Variants in CHST9 observed in about 807,000 individuals in gnomAD.
CHST9 encodes carbohydrate sulfotransferase 9.
CHST9 carries 41 observed loss-of-function variants against 44.4 expected under a neutral mutation model. The observed-to-expected ratio is 0.92, with a 90% CI of 0.72 to 1.20. The LOEUF (loss-of-function observed/expected upper bound fraction) is 1.20. Among genes scored for constraint, CHST9 ranks in the 50% most tolerant of loss-of-function variants. The pLI, the probability that CHST9 is intolerant of heterozygous loss-of-function variation, is 0.00. For synonymous variants in CHST9, 171 were observed against 178.4 expected (o/e 0.96, Z 0.33); for missense variants, 504 against 516.5 (o/e 0.98, Z 0.23).
chr18:27,182,962 G>A lies in CHST9; in HGVS notation c.-97+2174C>T, dbSNP rs146543930. 1.2e-4 allele frequency among the ~76,000 whole-genome samples: 19 copies of A among 152,126 alleles called. 1 individual carries two copies. The East Asian group carries it at 3.5e-3, about 28-fold the overall frequency. The stretch of plus-strand genomic sequence containing the variant: ...CCTTGGAAGATGTTACATTCTCCTG[G>A]AAACCATACTAAGTTTCTGAAGTCA... On this transcript the variant is annotated intron_variant, in intron 1 of 5. Coordinates refer to ENST00000618847, the MANE Select transcript of CHST9 (RefSeq NM_031422.6).
intron 3 of CHST9, among the ~76,000 whole-genome samples, chr18:27,035,449 C>T (rs965943759): frequency 6.6e-6 from 1 of 151,982 alleles, no homozygotes; most frequent in African/African-American, 2.4e-5. Flanking sequence ...TAAATGTCTA[C>T]CAACAGATAA....
At chr18:26,995,215 A>T (rs2145215632) in intron 4 of CHST9, among the ~76,000 whole-genome samples, 1 of 149,894 alleles carries the variant, frequency 6.7e-6, no homozygotes, top group South Asian at 2.1e-4. Flanking sequence ...CGAGGTCAGG[A>T]GATCAAGACA....
At chr18:27,016,566 C>T (rs956372926) in intron 4 of CHST9, among the ~76,000 whole-genome samples, 8 of 152,272 alleles carry the variant, frequency 5.3e-5, no homozygotes, top group African/African-American at 1.2e-4. Flanking sequence ...AGTAAGCTCC[C>T]GGAGGTCAGG....
intron 2 of CHST9, among the ~76,000 whole-genome samples, chr18:27,088,971 C>T (rs77312368): frequency 0.022 from 3,315 of 152,240 alleles, 111 homozygotes; most frequent in African/African-American, 0.074. Context: ...CCTTCAGTCA[C>T]TGATCAAAAA....
chr18:27,152,388 A>G (rs1239086837), intron 1 of CHST9, among the ~76,000 whole-genome samples: 1 of 151,702 alleles, frequency 6.6e-6, no homozygotes, highest in Non-Finnish European at 1.5e-5. Flanking sequence ...TAGACTGCAC[A>G]AGCTAAAACC....
intron 4 of CHST9, chr18:26,952,463 A>G: frequency 2.3e-6 from 1 of 439,828 alleles, no homozygotes; most frequent in Non-Finnish European, 4.4e-6. Context: ...TGCAATGAAC[A>G]GTCATTTGGG....
chr18:27,115,116 T>C (rs2058308883), intron 2 of CHST9, among the ~76,000 whole-genome samples: 2 of 152,162 alleles, frequency 1.3e-5, no homozygotes, highest in South Asian at 4.1e-4. Context: ...CCTCCCACCA[T>C]GATTGTAAGT....
At chr18:26,949,579 T>TAA (rs990889251) in intron 4 of CHST9, among the ~76,000 whole-genome samples, 1 of 151,998 alleles carries the variant, frequency 6.6e-6, no homozygotes, top group African/African-American at 2.4e-5. Flanking sequence ...AGGAAGTTAA[T>TAA]AAGTGAGGCT....
chr18:27,123,964 C>T (rs937542620), intron 2 of CHST9, among the ~76,000 whole-genome samples: 1 of 152,118 alleles, frequency 6.6e-6, no homozygotes, highest in Non-Finnish European at 1.5e-5. Context: ...AGTACAAATG[C>T]GGACAGACGT....
intron 2 of CHST9, among the ~76,000 whole-genome samples, chr18:27,135,877 TGG>T (rs973884330): frequency 2.6e-5 from 4 of 152,230 alleles, no homozygotes; most frequent in African/African-American, 9.6e-5. Flanking sequence ...CAGACCTGTG[TGG>T]GTGCTGAGGG....
chr18:27,092,687 C>A (rs1281548209), intron 2 of CHST9, among the ~76,000 whole-genome samples: 1 of 152,218 alleles, frequency 6.6e-6, no homozygotes, highest in East Asian at 1.9e-4. Context: ...TTATTTCTGT[C>A]TTCATTTCAT....
rs927599726 is a variant in CHST9, at chr18:27,159,541, G to A, written c.-96-16636C>T. ...GTAGTATAGTTTGAAGTCAGGTAGC[G>A]TGATGCCTCCAGCTTTGTTCTTTTG... On this transcript the variant is annotated intron_variant, in intron 1 of 5. Coordinates refer to ENST00000618847, the MANE Select transcript of CHST9 (RefSeq NM_031422.6). Among the ~76,000 whole-genome samples the A allele has an allele frequency of 1.8e-4, 28 of 152,236 alleles. 2 individuals are homozygous for A. The highest frequency in any genetic ancestry group is 1.0e-3 in the Admixed American group (16 of 15,294).
chr18:27,165,430 G>A (rs1407314148), intron 1 of CHST9, among the ~76,000 whole-genome samples: 2 of 152,158 alleles, frequency 1.3e-5, no homozygotes, highest in Non-Finnish European at 2.9e-5. Context: ...AGGGTTGGAA[G>A]GACCAGGACA....
intron 4 of CHST9, 101 bp downstream of exon 4, chr18:27,024,015 A>T: frequency 1.8e-6 from 2 of 1,113,454 alleles, no homozygotes; most frequent in South Asian, 1.3e-5. Flanking sequence ...TCAGCAGAAC[A>T]GGTGCTTAAA....
intron 3 of CHST9, among the ~76,000 whole-genome samples, chr18:27,045,957 T>A (rs1598667630): frequency 6.6e-6 from 1 of 152,060 alleles, no homozygotes; most frequent in South Asian, 2.1e-4. Context: ...CTTTGGAACA[T>A]GATTCACTCA....
At chr18:27,113,431 C>T (rs1489074711) in intron 2 of CHST9, among the ~76,000 whole-genome samples, 1 of 151,914 alleles carries the variant, frequency 6.6e-6, no homozygotes, top group African/African-American at 2.4e-5. Flanking sequence ...ATTAATATGC[C>T]TCATTTAATA....
chr18:27,010,768 CATCTTGATATCTGATTGGGAATTTCCTG>C lies in CHST9; in HGVS notation c.202+13320_202+13347del, dbSNP rs1419638975. ...TGTCTCAAGGGATGATGGGAAGCCCCATCTTGATATCTGATTGGGAATTTCCTGATCGGGACTGTTTCTAAGGGGCTCA... is the reference window on the plus strand; with the variant it reads ...TGTCTCAAGGGATGATGGGAAGCCCCATCGGGACTGTTTCTAAGGGGCTCA... On this transcript the variant is annotated intron_variant, in intron 4 of 5. Coordinates refer to ENST00000618847, the MANE Select transcript of CHST9 (RefSeq NM_031422.6). Among the ~76,000 whole-genome samples the C allele has an allele frequency of 5.9e-5, 9 of 152,184 alleles. No individual in the cohort carries two copies. The South Asian group carries it at 1.9e-3, about 32-fold the overall frequency.
chr18:27,015,196 G>T (rs1211431971), intron 4 of CHST9, among the ~76,000 whole-genome samples: 1 of 152,192 alleles, frequency 6.6e-6, no homozygotes, highest in African/African-American at 2.4e-5. Context: ...TTCTGGCTGT[G>T]CTGCAAGCTC....
At chr18:27,125,664 A>G (rs760559355) in intron 2 of CHST9, among the ~76,000 whole-genome samples, 16 of 152,240 alleles carry the variant, frequency 1.1e-4, no homozygotes, top group Non-Finnish European at 1.6e-4. Context: ...TTAAATGTCA[A>G]TGGGAAAGAA....
Sources: gnomAD v4.1 joint callset for allele counts (sites outside exome capture counted in the v4.1 genomes callset) on GRCh38, gnomAD v4.1.1 for gene constraint, MANE v1.5 for transcripts, NCBI Gene and HGNC (gene_info 2026-07-23, HGNC 2026-07-21) for gene names.